Variants in PPARGC1A observed in about 807,000 individuals in gnomAD.
PPARGC1A encodes peroxisome proliferator-activated receptor gamma coactivator 1-alpha.
PPARGC1A carries 25 observed loss-of-function variants against 88.7 expected under a neutral mutation model. That is an observed-to-expected ratio of 0.28 (90% CI 0.21 to 0.39). The LOEUF is 0.39. Among genes scored for constraint, PPARGC1A ranks in the 10% least tolerant of loss-of-function variants. The probability of loss-of-function intolerance (pLI) is 1.00; values close to 1 mark genes in which losing one functional copy is unlikely to be tolerated. For synonymous variants in PPARGC1A, 363 were observed against 355.6 expected (o/e 1.02, Z -0.24); for missense variants, 880 against 968.7 (o/e 0.91, Z 1.22).
At chr4:24,167,995 T>A in the PPARGC1A span, among the ~76,000 whole-genome samples, 1 of 152,142 alleles carries the variant, frequency 6.6e-6, no homozygotes, top group African/African-American at 2.4e-5. Flanking sequence ...GCTCAAGCAG[T>A]CTGCCTGCCT....
chr4:24,012,710 T>G, the PPARGC1A span, among the ~76,000 whole-genome samples: 2 of 152,114 alleles, frequency 1.3e-5, no homozygotes, highest in Non-Finnish European at 2.9e-5. Context: ...CTCATTCAGA[T>G]CAGGTGGGAA....
the PPARGC1A span, among the ~76,000 whole-genome samples, chr4:24,381,808 G>A: frequency 6.6e-6 from 1 of 152,156 alleles, no homozygotes; most frequent in Non-Finnish European, 1.5e-5. Flanking sequence ...TTCATCATTA[G>A]GTAGACCTGA....
chr4:23,945,159 A>C, the PPARGC1A span, among the ~76,000 whole-genome samples: 6 of 152,194 alleles, frequency 3.9e-5, no homozygotes, highest in African/African-American at 4.8e-5. Context: ...ACTCAGATGG[A>C]GCAATAAAAA....
the PPARGC1A span, among the ~76,000 whole-genome samples, chr4:24,442,146 G>A: frequency 1.3e-5 from 2 of 152,044 alleles, no homozygotes; most frequent in Non-Finnish European, 2.9e-5. Context: ...AAAAAAAGTA[G>A]AAATATAAAT....
the PPARGC1A span, among the ~76,000 whole-genome samples, chr4:23,955,794 G>C: frequency 6.6e-6 from 1 of 152,078 alleles, no homozygotes; most frequent in Non-Finnish European, 1.5e-5. Context: ...AGTAAGAAAA[G>C]TCAAGGCACA....
the PPARGC1A span, among the ~76,000 whole-genome samples, chr4:24,290,846 C>T: frequency 6.6e-6 from 1 of 152,218 alleles, no homozygotes; most frequent in Non-Finnish European, 1.5e-5. Flanking sequence ...TCCTAGGTGA[C>T]ATTAGAGTCA....
At chr4:24,007,115 T>G in the PPARGC1A span, among the ~76,000 whole-genome samples, 2 of 152,142 alleles carry the variant, frequency 1.3e-5, no homozygotes, top group Admixed American at 6.5e-5. Flanking sequence ...TATCATAAAA[T>G]TATGGAGTCT....
the PPARGC1A span, among the ~76,000 whole-genome samples, chr4:23,917,066 T>G: frequency 6.6e-6 from 1 of 152,182 alleles, no homozygotes; most frequent in African/African-American, 2.4e-5. Flanking sequence ...CTCCTCTGCC[T>G]GTAGATTGAC....
At chr4:23,824,405 C>A in intron 6 of PPARGC1A, 52 bp from the exon 7 acceptor site, 1 of 1,605,964 alleles carries the variant, frequency 6.2e-7, no homozygotes, top group Non-Finnish European at 8.5e-7. Flanking sequence ...GTTGCTGTAG[C>A]CAAATGTATT....
chr4:24,135,083 T>C, the PPARGC1A span, among the ~76,000 whole-genome samples: 1 of 152,278 alleles, frequency 6.6e-6, no homozygotes, highest in Middle Eastern at 3.4e-3. Flanking sequence ...GCCAACCTTT[T>C]CCTCTTTTAC....
the PPARGC1A span, chr4:24,091,502 C>T: frequency 3.0e-6 from 3 of 985,380 alleles, no homozygotes; most frequent in Non-Finnish European, 3.6e-6. Context: ...TACTTTTTTC[C>T]AGTCTTCTTC....
At chr4:24,061,038 A>G in the PPARGC1A span, among the ~76,000 whole-genome samples, 2 of 152,170 alleles carry the variant, frequency 1.3e-5, no homozygotes. Flanking sequence ...CATGGCATAA[A>G]CATCTTTATT....
the PPARGC1A span, among the ~76,000 whole-genome samples, chr4:24,220,379 G>A: frequency 6.6e-6 from 1 of 152,282 alleles, no homozygotes; most frequent in South Asian, 2.1e-4. Context: ...CTGGGACATG[G>A]TCAAAGGAAA....
chr4:23,851,615 C>A (rs1729309307), intron 2 of PPARGC1A, among the ~76,000 whole-genome samples: 1 of 151,840 alleles, frequency 6.6e-6, no homozygotes, highest in Non-Finnish European at 1.5e-5. Flanking sequence ...TGTGCATAAC[C>A]TGTGTTGAGT....
the PPARGC1A span, among the ~76,000 whole-genome samples, chr4:24,018,879 A>T: frequency 6.6e-6 from 1 of 152,192 alleles, no homozygotes; most frequent in Non-Finnish European, 1.5e-5. Context: ...CAAGTATAGC[A>T]TTGTAAGAAA....
the PPARGC1A span, among the ~76,000 whole-genome samples, chr4:24,230,952 AAAAAAAT>A: frequency 6.6e-6 from 1 of 150,796 alleles, no homozygotes. Flanking sequence ...GAATTTATTA[AAAAAAAT>A]AAAAAAAGAC....
At chr4:24,330,648 G>T in the PPARGC1A span, among the ~76,000 whole-genome samples, 2 of 152,158 alleles carry the variant, frequency 1.3e-5, no homozygotes, top group African/African-American at 4.8e-5. Context: ...ACTAGATTGT[G>T]GGGAGGATTA....
At chr4:24,099,806 G>A in the PPARGC1A span, among the ~76,000 whole-genome samples, 1 of 151,986 alleles carries the variant, frequency 6.6e-6, no homozygotes, top group Admixed American at 6.6e-5. Context: ...CAGACAGGGT[G>A]CAAGAATTTC....
At chr4:24,380,066 C>T in the PPARGC1A span, among the ~76,000 whole-genome samples, 5 of 151,948 alleles carry the variant, frequency 3.3e-5, no homozygotes, top group East Asian at 1.9e-4. Flanking sequence ...CCTGAGCCAC[C>T]GTGCCTGGCC....
Sources: allele counts gnomAD v4.1 joint callset (sites outside exome capture counted in the v4.1 genomes callset), GRCh38; gene constraint gnomAD v4.1.1; transcripts MANE v1.5; gene names NCBI Gene and HGNC (gene_info 2026-07-23, HGNC 2026-07-21).